FRMD4A: variants seen among roughly 807,000 people sequenced by gnomAD.
FRMD4A encodes FERM domain containing 4A, also known as FERM domain-containing protein 4A.
FRMD4A carries 29 observed loss-of-function variants against 129.1 expected under a neutral mutation model. The observed-to-expected ratio is 0.22, with a 90% CI of 0.17 to 0.31. The LOEUF is 0.31. FRMD4A is among the 10% of genes least tolerant of loss of function. The pLI, the probability that FRMD4A is intolerant of heterozygous loss-of-function variation, is 1.00. For missense variants in FRMD4A, 1,272 were observed against 1,375.8 expected, an observed-to-expected ratio of 0.92 and a Z score of 1.19; for synonymous variants, 634 against 571.6, an observed-to-expected ratio of 1.11 and a Z score of -1.56.
In FRMD4A at chr10:13,958,573, G is replaced by A. The variant is rs563321034; in HGVS notation, c.46-99661C>T. On this transcript the variant is annotated intron_variant, in intron 2 of 24. Coordinates refer to ENST00000357447, the MANE Select transcript of FRMD4A (RefSeq NM_018027.5). ...GCTGGGATTACAGGCGTGAGCCACCGCACCCGACCAGTGTCTTTCTTTCTT... is the reference window on the plus strand; with the variant it reads ...GCTGGGATTACAGGCGTGAGCCACCACACCCGACCAGTGTCTTTCTTTCTT... 4.0e-5 allele frequency among the ~76,000 whole-genome samples: 6 copies of A among 148,890 alleles called. No individual in the cohort carries two copies. The East Asian group carries it at 1.2e-3, about 29-fold the overall frequency.
At chr10:14,315,113 G>A (rs572228322) in intron 2 of FRMD4A, among the ~76,000 whole-genome samples, 14 of 150,726 alleles carry the variant, frequency 9.3e-5, no homozygotes, top group East Asian at 7.8e-4. Flanking sequence ...CCTTTTTTAC[G>A]GACTCTCCTT....
intron 2 of FRMD4A, among the ~76,000 whole-genome samples, chr10:14,325,464 A>G (rs1843235662): frequency 6.6e-6 from 1 of 152,180 alleles, no homozygotes; most frequent in Non-Finnish European, 1.5e-5. Context: ...CCTCACCTCA[A>G]ATCTGCTCTC....
chr10:13,961,278 A>G (rs2095444316), intron 2 of FRMD4A, among the ~76,000 whole-genome samples: 1 of 152,238 alleles, frequency 6.6e-6, no homozygotes, highest in South Asian at 2.1e-4. Flanking sequence ...ATCAGACTGC[A>G]GGACAATCAT....
At chr10:14,078,327 A>C (rs1039102585) in intron 2 of FRMD4A, among the ~76,000 whole-genome samples, 2 of 152,192 alleles carry the variant, frequency 1.3e-5, no homozygotes, top group Admixed American at 1.3e-4. Context: ...CTCCAAACCA[A>C]CCAAATGGGG....
intron 5 of FRMD4A, among the ~76,000 whole-genome samples, chr10:13,783,814 A>G (rs1464803708): frequency 1.3e-5 from 2 of 152,250 alleles, no homozygotes; most frequent in African/African-American, 4.8e-5. Flanking sequence ...ATATGAATGC[A>G]TATTAAGCCA....
chr10:14,240,736 T>C (rs1290869210), intron 2 of FRMD4A, among the ~76,000 whole-genome samples: 1 of 152,228 alleles, frequency 6.6e-6, no homozygotes, highest in Non-Finnish European at 1.5e-5. Flanking sequence ...GACTAACATC[T>C]GAATTTCGCT....
intron 2 of FRMD4A, among the ~76,000 whole-genome samples, chr10:14,105,794 G>C (rs1359486201): frequency 1.3e-5 from 2 of 151,702 alleles, no homozygotes; most frequent in African/African-American, 4.8e-5. Flanking sequence ...GAACACACTG[G>C]GTCATTTGCT....
chr10:13,766,194 A>G (rs868859493), intron 6 of FRMD4A, among the ~76,000 whole-genome samples: 12 of 152,252 alleles, frequency 7.9e-5, no homozygotes, highest in Middle Eastern at 6.3e-3. Flanking sequence ...TAACTGTAAC[A>G]TAACTGATAT....
intron 2 of FRMD4A, among the ~76,000 whole-genome samples, chr10:14,253,373 C>T (rs893058743): frequency 2.6e-5 from 4 of 152,308 alleles, no homozygotes; most frequent in Non-Finnish European, 4.4e-5. Flanking sequence ...AGAATTCCCA[C>T]GTGACTAACT....
chr10:13,664,995 G>A (rs1012139295), intron 18 of FRMD4A, among the ~76,000 whole-genome samples: 5 of 152,148 alleles, frequency 3.3e-5, no homozygotes, highest in Non-Finnish European at 7.3e-5. Flanking sequence ...CGATTCTCCT[G>A]CCTCAGCCTC....
At chr10:13,796,655 T>C in intron 4 of FRMD4A, 67 bp from the exon 5 acceptor site, 2 of 811,556 alleles carry the variant, frequency 2.5e-6, no homozygotes, top group South Asian at 1.4e-5. Flanking sequence ...GGGTTGAAGG[T>C]ATATATGAAG....
intron 12 of FRMD4A, among the ~76,000 whole-genome samples, chr10:13,737,410 C>A (rs992822936): frequency 6.6e-6 from 1 of 152,122 alleles, no homozygotes; most frequent in Non-Finnish European, 1.5e-5. Context: ...TTTTGACCTG[C>A]AATCTCTTCT....
At chr10:14,128,003 TCTTTCTTTCTTCCTTC>T (rs1838989930) in intron 2 of FRMD4A, among the ~76,000 whole-genome samples, 3 of 80,498 alleles carry the variant, frequency 3.7e-5, no homozygotes, top group African/African-American at 2.1e-4. Context: ...TCTCTCTCTT[TCTTTCTTTCTTCCTTC>T]CTTCCTTCCT....
chr10:14,327,858 G>A (rs1328114604), intron 2 of FRMD4A, among the ~76,000 whole-genome samples: 1 of 152,156 alleles, frequency 6.6e-6, no homozygotes, highest in African/African-American at 2.4e-5. Flanking sequence ...ACTGACAACT[G>A]ATTGGCTGAT....
intron 2 of FRMD4A, among the ~76,000 whole-genome samples, chr10:14,045,962 T>C (rs1471438554): frequency 6.7e-6 from 1 of 149,002 alleles, no homozygotes; most frequent in Non-Finnish European, 1.5e-5. Flanking sequence ...TATGTATTCA[T>C]ATTATTCAAT....
intron 2 of FRMD4A, among the ~76,000 whole-genome samples, chr10:14,230,164 AGAAGTTC>A (rs1843588988): frequency 6.6e-6 from 1 of 152,236 alleles, no homozygotes; most frequent in Non-Finnish European, 1.5e-5. Context: ...TACAGTCCAT[AGAAGTTC>A]ACCACAGTTG....
intron 2 of FRMD4A, among the ~76,000 whole-genome samples, chr10:14,017,614 A>C (rs542774535): frequency 1.3e-5 from 2 of 152,084 alleles, no homozygotes; most frequent in South Asian, 4.2e-4. Flanking sequence ...TTAACAAGCA[A>C]TTTTCTTCAA....
chr10:13,807,810 T>TAGAAA (rs2093380647), intron 4 of FRMD4A, among the ~76,000 whole-genome samples: 1 of 151,888 alleles, frequency 6.6e-6, no homozygotes, highest in Non-Finnish European at 1.5e-5. Context: ...CTTTTTTTTT[T>TAGAAA]TTTTTGGAGA....
chr10:13,654,272 A>T, intron 23 of FRMD4A, 144 bp downstream of exon 23: 1 of 682,728 alleles, frequency 1.5e-6, no homozygotes, highest in South Asian at 1.7e-5. Context: ...ACAGCAGATC[A>T]TGGGGCTTCT....
Sources: allele counts gnomAD v4.1 joint callset (sites outside exome capture counted in the v4.1 genomes callset), GRCh38; gene constraint gnomAD v4.1.1; transcripts MANE v1.5; gene names NCBI Gene and HGNC (gene_info 2026-07-23, HGNC 2026-07-21).